The following MBD2 variants were observed in gnomAD, a reference collection of about 807,000 sequenced individuals.
The protein encoded by MBD2 is methyl-CpG binding domain protein 2.
Under a neutral mutation model 39.3 loss-of-function variants are expected in MBD2, and 9 were observed. That is an observed-to-expected ratio of 0.23 (90% confidence interval 0.14 to 0.40). The LOEUF (loss-of-function observed/expected upper bound fraction) is 0.40, where lower values mean the gene tolerates loss of function less well. Ranked by LOEUF, MBD2 falls within the 10% of genes least tolerant of loss-of-function variation. The pLI is 1.00. For missense variants in MBD2, 458 were observed against 532.6 expected (o/e 0.86, Z 1.38); for synonymous variants, 233 against 211.1 (o/e 1.10, Z -0.90).
chr18:54,181,558 G>A (rs373276917), intron 3 of MBD2, among the ~76,000 whole-genome samples: 2 of 151,898 alleles, frequency 1.3e-5, no homozygotes, highest in Non-Finnish European at 2.9e-5. Context: ...GGAGTGCAGC[G>A]GTGCGATCTC....
chr18:54,208,681 T>C (rs1323837880), intron 1 of MBD2, among the ~76,000 whole-genome samples: 1 of 152,182 alleles, frequency 6.6e-6, no homozygotes, highest in Non-Finnish European at 1.5e-5. Flanking sequence ...TAGAGACAAA[T>C]AGGAAGCTAT....
In MBD2 at chr18:54,152,880, A is replaced by C. The variant is rs2086030318; in HGVS notation, c.*2444T>G. The C allele has an allele frequency of 6.6e-6, 1 of 152,230 alleles. No homozygotes were observed. Among genetic ancestry groups the C allele is most frequent in the African/African-American group, 2.4e-5 (1 of 41,446 alleles). The allele number at this position is 152,230 out of a possible 1,614,324, so 9.4% of individuals were successfully genotyped here. A position where few individuals can be genotyped will look rare whatever the true frequency, so the allele number is the denominator to read the frequency against. On this transcript the variant is annotated 3_prime_UTR_variant, in exon 7 of 7. Transcript: ENST00000256429. ...GGGACAGGCTCAAAGAGATTAAATA[A>C]CCTGACAAGTCACACAAATGGCAAA...
Position 54,224,669 on chromosome 18 carries a change from T to G in MBD2, c.-110A>C. The G allele has an allele frequency of 2.5e-6, 2 of 795,042 alleles. No individual in the cohort carries two copies. Among genetic ancestry groups the G allele is most frequent in the Non-Finnish European group, 1.7e-6 (1 of 589,486 alleles). The allele number at this position is 795,042 out of a possible 1,614,324, so 49.2% of individuals were successfully genotyped here. A position where few individuals can be genotyped will look rare whatever the true frequency, so the allele number is the denominator to read the frequency against. The stretch of plus-strand genomic sequence containing the variant: ...GCGCGGGGGACGCGCGCAAGCATCA[T>G]AGAGCGGGCGCGCACAGAGCGGCCC... On this transcript the variant is annotated 5_prime_UTR_variant, in exon 1 of 7. The change abolishes an upstream ATG in the 5' untranslated region. Coordinates refer to ENST00000256429, the MANE Select transcript of MBD2 (RefSeq NM_003927.5).
In MBD2 at chr18:54,224,290, C is replaced by A. The variant is rs1460186586; in HGVS notation, c.270G>T (p.Arg90=). ...TCGGGGGACGGCCGCGGCCCCGGCC[C>A]CGGCCCCGTCCCCGTCCCCGGCCAC... ...RGRGRGRGRG[R]GRGRGRPPSG... is the part of the protein sequence containing the mutation. Residue 90 remains arginine (R), a synonymous_variant, in exon 1 of 7, where the codon CGG becomes CGT. Coordinates refer to ENST00000256429, the MANE Select transcript of MBD2 (RefSeq NM_003927.5). 0.01 allele frequency: 9,517 copies of A among 947,674 alleles called. 48 individuals are homozygous for A. The highest frequency in any genetic ancestry group is 0.011 in the Non-Finnish European group (8,891 of 797,550). The allele number at this position is 947,674 out of a possible 1,614,324, so 58.7% of individuals were successfully genotyped here.
chr18:54,209,250 T>C (rs954147764), intron 1 of MBD2, among the ~76,000 whole-genome samples: 1 of 144,740 alleles, frequency 6.9e-6, no homozygotes, highest in Non-Finnish European at 1.5e-5. Flanking sequence ...TGAGCTGAGA[T>C]TGTGCCACTG....
intron 3 of MBD2, among the ~76,000 whole-genome samples, chr18:54,176,366 G>A (rs8095425): frequency 0.026 from 3,997 of 152,284 alleles, 76 homozygotes; most frequent in Non-Finnish European, 0.039. Context: ...ATATGAGAAA[G>A]TTCTTTGAGA....
At chr18:54,178,168 C>A (rs1015331899) in intron 3 of MBD2, among the ~76,000 whole-genome samples, 8 of 151,880 alleles carry the variant, frequency 5.3e-5, no homozygotes, top group Non-Finnish European at 8.8e-5. Context: ...ACCAATACAT[C>A]GAGAAATAGA....
At chr18:54,188,786 T>C in intron 3 of MBD2, 88 bp downstream of exon 3, 1 of 1,420,564 alleles carries the variant, frequency 7.0e-7, no homozygotes, top group Non-Finnish European at 9.6e-7. Flanking sequence ...ATATACTCCA[T>C]TTTAACCAGA....
intron 1 of MBD2, among the ~76,000 whole-genome samples, chr18:54,207,113 C>T (rs770525807): frequency 6.6e-5 from 10 of 152,188 alleles, no homozygotes; most frequent in Non-Finnish European, 1.0e-4. Context: ...AAAGCTTCAC[C>T]TCCTTAATAA....
chr18:54,221,542 C>T (rs1038826394), intron 1 of MBD2, among the ~76,000 whole-genome samples: 2 of 151,524 alleles, frequency 1.3e-5, no homozygotes, highest in Non-Finnish European at 2.9e-5. Flanking sequence ...CAGCACTGGC[C>T]GAGGCAGGTG....
At chr18:54,202,605 CA>C in intron 2 of MBD2, 2 of 563,802 alleles carry the variant, frequency 3.5e-6, no homozygotes, top group Non-Finnish European at 4.6e-6. Context: ...AAATCAGATG[CA>C]AAAAAAGACC....
chr18:54,179,723 A>G (rs1397083576), intron 3 of MBD2, among the ~76,000 whole-genome samples: 4 of 152,210 alleles, frequency 2.6e-5, no homozygotes, highest in African/African-American at 9.6e-5. Flanking sequence ...AAAGAGAAGC[A>G]AATTTCCTTA....
At chr18:54,170,894 G>C (rs2086175066) in intron 3 of MBD2, among the ~76,000 whole-genome samples, 1 of 152,154 alleles carries the variant, frequency 6.6e-6, no homozygotes. Context: ...TGGGCAAGGA[G>C]GTAACAGAGT....
chr18:54,178,597 T>G (rs1170023579), intron 3 of MBD2, among the ~76,000 whole-genome samples: 1 of 152,142 alleles, frequency 6.6e-6, no homozygotes, highest in Non-Finnish European at 1.5e-5. Flanking sequence ...ATAAGATTAC[T>G]TCAAGGCAAC....
intron 5 of MBD2, among the ~76,000 whole-genome samples, chr18:54,160,902 A>G (rs919388090): frequency 6.6e-6 from 1 of 152,118 alleles, no homozygotes; most frequent in Non-Finnish European, 1.5e-5. Flanking sequence ...TCTTGAGACC[A>G]GAAGAAAGGA....
chr18:54,224,589 TCTTCCGTAACCGAGCC>T lies in MBD2; in HGVS notation c.-46_-31del. ...CCCCCTCCCCAGCCGGCGCTGCGCTTCTTCCGTAACCGAGCCCTTGGAATCCCGGAGACCCGCCCCG... is the reference window on the plus strand; with the variant it reads ...CCCCCTCCCCAGCCGGCGCTGCGCTTCTTGGAATCCCGGAGACCCGCCCCG... On this transcript the variant is annotated 5_prime_UTR_variant, in exon 1 of 7. Coordinates refer to ENST00000256429, the MANE Select transcript of MBD2 (RefSeq NM_003927.5). 1 of 1,219,474 alleles carries T rather than the reference TCTTCCGTAACCGAGCC, an allele frequency of 8.2e-7. No individual in the cohort carries two copies. Among genetic ancestry groups the T allele is most frequent in the South Asian group, 4.1e-5 (1 of 24,206 alleles). The allele number at this position is 1,219,474 out of a possible 1,614,324, so 75.5% of individuals were successfully genotyped here.
At chr18:54,178,161 A>G (rs2086225949) in intron 3 of MBD2, among the ~76,000 whole-genome samples, 1 of 152,032 alleles carries the variant, frequency 6.6e-6, no homozygotes, top group Non-Finnish European at 1.5e-5. Flanking sequence ...TTTTAATACC[A>G]ATACATCGAG....
At chr18:54,195,071 A>G (rs1661209314) in intron 2 of MBD2, among the ~76,000 whole-genome samples, 1 of 152,106 alleles carries the variant, frequency 6.6e-6, no homozygotes, top group Non-Finnish European at 1.5e-5. Context: ...ATCACAGGTT[A>G]CATTCTCAGA....
chr18:54,172,853 C>T (rs1189170203), intron 3 of MBD2, among the ~76,000 whole-genome samples: 1 of 152,106 alleles, frequency 6.6e-6, no homozygotes, highest in African/African-American at 2.4e-5. Flanking sequence ...CATACTATAT[C>T]GAATGGGACA....
Sources: allele counts gnomAD v4.1 joint callset (sites outside exome capture counted in the v4.1 genomes callset), GRCh38; gene constraint gnomAD v4.1.1; transcripts MANE v1.5; gene names NCBI Gene and HGNC (gene_info 2026-07-23, HGNC 2026-07-21).